SYN3: variants seen among roughly 807,000 people sequenced by gnomAD.
SYN3 encodes synapsin III, also known as synapsin-3.
Under a neutral mutation model 65.8 loss-of-function variants are expected in SYN3, and 35 were observed. The observed-to-expected ratio is 0.53, with a 90% confidence interval of 0.41 to 0.70. The LOEUF (loss-of-function observed/expected upper bound fraction) is 0.70. Ranked by LOEUF, SYN3 falls within the 30% of genes least tolerant of loss-of-function variation. The pLI is 0.00. For missense variants in SYN3, 680 were observed against 749.0 expected, an observed-to-expected ratio of 0.91 and a Z score of 1.08; for synonymous variants, 270 against 292.9, an observed-to-expected ratio of 0.92 and a Z score of 0.80.
chr22:32,569,328 C>G (rs2058716901), intron 7 of SYN3, among the ~76,000 whole-genome samples: 1 of 150,326 alleles, frequency 6.7e-6, no homozygotes, highest in Admixed American at 6.6e-5. Flanking sequence ...ATCTATCTAT[C>G]TATCTCTATC....
chr22:32,959,922 G>C (rs749938572), intron 3 of SYN3, among the ~76,000 whole-genome samples: 1 of 152,130 alleles, frequency 6.6e-6, no homozygotes, highest in Non-Finnish European at 1.5e-5. Flanking sequence ...AGGCTCAAAG[G>C]GTTCAGGACC....
At chr22:32,863,871 CA>C (rs1443136939) in intron 6 of SYN3, among the ~76,000 whole-genome samples, 2 of 152,124 alleles carry the variant, frequency 1.3e-5, no homozygotes, top group Admixed American at 1.3e-4. Context: ...GAATTTTCCC[CA>C]CTGTAAGGAT....
chr22:32,830,664 C>T (rs73158332), intron 6 of SYN3, among the ~76,000 whole-genome samples: 2,327 of 152,242 alleles, frequency 0.015, 31 homozygotes, highest in African/African-American at 0.035. Context: ...AGGGCCACCC[C>T]CCCGCCCCCG....
intron 7 of SYN3, among the ~76,000 whole-genome samples, chr22:32,545,564 TCTC>T (rs2058325223): frequency 6.6e-6 from 1 of 152,062 alleles, no homozygotes; most frequent in African/African-American, 2.4e-5. Context: ...TCTCTCTCTC[TCTC>T]TTTTTTTTTG....
chr22:32,703,704 G>T (rs1315412268), intron 6 of SYN3, among the ~76,000 whole-genome samples: 1 of 151,078 alleles, frequency 6.6e-6, no homozygotes, highest in Non-Finnish European at 1.5e-5. Context: ...AGGGGAAAAA[G>T]AGAAGAAAAC....
chr22:32,903,950 T>C (rs1421746908), intron 4 of SYN3, among the ~76,000 whole-genome samples: 5 of 152,202 alleles, frequency 3.3e-5, no homozygotes, highest in South Asian at 2.1e-4. Flanking sequence ...CAGTACATAG[T>C]AGTACATACA....
chr22:32,970,660 A>T (rs1031081703), intron 3 of SYN3, among the ~76,000 whole-genome samples: 1 of 152,174 alleles, frequency 6.6e-6, no homozygotes, highest in Non-Finnish European at 1.5e-5. Flanking sequence ...TAACAGAGAA[A>T]CTATGCAGGA....
intron 7 of SYN3, among the ~76,000 whole-genome samples, chr22:32,559,259 T>C (rs1174074939): frequency 1.3e-5 from 2 of 152,164 alleles, no homozygotes; most frequent in African/African-American, 2.4e-5. Flanking sequence ...GAGCCCCTAC[T>C]ACAAGCCAGA....
At chr22:32,686,455 T>C (rs1467260328) in intron 6 of SYN3, among the ~76,000 whole-genome samples, 2 of 151,666 alleles carry the variant, frequency 1.3e-5, no homozygotes, top group Non-Finnish European at 2.9e-5. Context: ...CACACTGATA[T>C]GTGTGGGTCA....
intron 6 of SYN3, among the ~76,000 whole-genome samples, chr22:32,597,350 G>A (rs2059217497): frequency 6.6e-6 from 1 of 151,498 alleles, no homozygotes; most frequent in African/African-American, 2.4e-5. Flanking sequence ...CAAGTAGCTG[G>A]GATTACAGAT....
chr22:32,653,360 G>A (rs961046294), intron 6 of SYN3, among the ~76,000 whole-genome samples: 3 of 152,024 alleles, frequency 2.0e-5, no homozygotes, highest in African/African-American at 7.2e-5. Flanking sequence ...ATCCCTATCA[G>A]TTATTTTCTG....
At chr22:32,641,385 G>A (rs957171041) in intron 6 of SYN3, among the ~76,000 whole-genome samples, 3 of 151,834 alleles carry the variant, frequency 2.0e-5, no homozygotes, top group African/African-American at 7.3e-5. Context: ...GAGGCAGGCG[G>A]ATCATGAGGT....
chr22:32,637,903 T>G (rs1343098277), intron 6 of SYN3, among the ~76,000 whole-genome samples: 3 of 152,100 alleles, frequency 2.0e-5, no homozygotes, highest in Admixed American at 1.3e-4. Flanking sequence ...CCTCCCAAAG[T>G]GCTAGGATTA....
At chr22:32,790,290 A>C (rs1229680825) in intron 6 of SYN3, among the ~76,000 whole-genome samples, 1 of 152,216 alleles carries the variant, frequency 6.6e-6, no homozygotes, top group Non-Finnish European at 1.5e-5. Flanking sequence ...ACAACAGATG[A>C]AAGTTACCCT....
At chr22:32,822,235 G>A (rs1454173687) in intron 6 of SYN3, among the ~76,000 whole-genome samples, 2 of 151,528 alleles carry the variant, frequency 1.3e-5, no homozygotes, top group Non-Finnish European at 2.9e-5. Context: ...GCTGGCTCCT[G>A]TGCCCAAAGT....
At chr22:32,947,587 G>A (rs1431613632) in intron 3 of SYN3, 1 of 152,224 alleles carries the variant, frequency 6.6e-6, no homozygotes, top group Non-Finnish European at 1.5e-5. Flanking sequence ...GGTGAGAATA[G>A]GGCTATGGGG....
chr22:32,927,263 CTTTT>C (rs5845052), intron 4 of SYN3, among the ~76,000 whole-genome samples: 3 of 125,552 alleles, frequency 2.4e-5, no homozygotes, highest in Non-Finnish European at 1.7e-5. Flanking sequence ...AATATATTTA[CTTTT>C]TTTTTTTTTT....
At chr22:32,948,097 T>A (rs1367052472) in intron 3 of SYN3, among the ~76,000 whole-genome samples, 1 of 152,194 alleles carries the variant, frequency 6.6e-6, no homozygotes, top group African/African-American at 2.4e-5. Flanking sequence ...TACTTTTCAC[T>A]TTTCAAATTT....
At chr22:32,794,556 T>C (rs925297143) in intron 6 of SYN3, among the ~76,000 whole-genome samples, 3 of 152,156 alleles carry the variant, frequency 2.0e-5, no homozygotes, top group African/African-American at 7.2e-5. Flanking sequence ...GTTTATTCCT[T>C]TAATATTTGT....
Sources: allele counts gnomAD v4.1 joint callset (sites outside exome capture counted in the v4.1 genomes callset), GRCh38; gene constraint gnomAD v4.1.1; transcripts MANE v1.5; gene names NCBI Gene and HGNC (gene_info 2026-07-23, HGNC 2026-07-21).